The following ITIH5 variants were observed in gnomAD, a reference collection of about 807,000 sequenced individuals.
The protein encoded by ITIH5 is inter-alpha-trypsin inhibitor heavy chain H5.
ITIH5 carries 65 observed loss-of-function variants against 77.5 expected under a neutral mutation model. The ratio of observed to expected loss-of-function variants is 0.84; its 90% CI spans 0.69 to 1.03. The LOEUF (loss-of-function observed/expected upper bound fraction) is 1.03. Among genes scored for constraint, ITIH5 ranks in the 50% least tolerant of loss-of-function variants. ITIH5 has a pLI of 0.00. For missense variants in ITIH5, 1,208 were observed against 1,213.1 expected (o/e 1.00, Z 0.06); for synonymous variants, 525 against 494.3 (o/e 1.06, Z -0.82).
intron 8 of ITIH5, 57 bp downstream of exon 8, chr10:7,585,844 A>AT: frequency 6.8e-7 from 1 of 1,471,630 alleles, no homozygotes; most frequent in Non-Finnish European, 9.2e-7. Context: ...AAAAAAACCA[A>AT]AAAAAAAAAC....
intron 7 of ITIH5, among the ~76,000 whole-genome samples, chr10:7,613,257 AAAAAAAAAAAAAAG>A (rs1312621514): frequency 3.4e-4 from 3 of 8,760 alleles, no homozygotes; most frequent in Admixed American, 1.9e-3. Flanking sequence ...AAAAAAAAAA[AAAAAAAAAAAAAAG>A]AACTTGTAGC....
At chr10:7,627,309 A>AG (rs1026374479) in intron 5 of ITIH5, among the ~76,000 whole-genome samples, 1 of 146,822 alleles carries the variant, frequency 6.8e-6, no homozygotes, top group African/African-American at 2.5e-5. Context: ...AAAAGAAAAA[A>AG]AAGAAAATAA....
chr10:7,644,510 GAT>G (rs377427057), intron 2 of ITIH5, among the ~76,000 whole-genome samples: 16 of 54,574 alleles, frequency 2.9e-4, no homozygotes, highest in East Asian at 2.1e-3. Context: ...ACATATATAT[GAT>G]ATATATCACA....
chr10:7,565,070 G>GTATATATATA (rs138314369), intron 13 of ITIH5, among the ~76,000 whole-genome samples: 47 of 135,920 alleles, frequency 3.5e-4, no homozygotes, highest in South Asian at 1.2e-3. Flanking sequence ...CACATAGACT[G>GTATATATATA]TATATATATA....
At chr10:7,575,051 T>C (rs1832381847) in intron 10 of ITIH5, among the ~76,000 whole-genome samples, 1 of 152,114 alleles carries the variant, frequency 6.6e-6, no homozygotes, top group African/African-American at 2.4e-5. Context: ...TTGTGTACGT[T>C]TTGCCAAGAC....
intron 5 of ITIH5, among the ~76,000 whole-genome samples, chr10:7,632,875 G>A (rs1259239196): frequency 1.3e-5 from 2 of 152,144 alleles, no homozygotes; most frequent in African/African-American, 4.8e-5. Flanking sequence ...AGTCATTGGG[G>A]ATCTTGTCAT....
At chr10:7,607,785 GCCT>G (rs1331262282) in intron 7 of ITIH5, among the ~76,000 whole-genome samples, 2 of 152,252 alleles carry the variant, frequency 1.3e-5, no homozygotes, top group African/African-American at 4.8e-5. Flanking sequence ...TTGCACTCCG[GCCT>G]GTGCAACAAG....
At chr10:7,629,856 A>G (rs1440381731) in intron 5 of ITIH5, among the ~76,000 whole-genome samples, 1 of 152,200 alleles carries the variant, frequency 6.6e-6, no homozygotes, top group Non-Finnish European at 1.5e-5. Context: ...CCATCTTTAC[A>G]TCAATGACTC....
At chr10:7,597,999 T>G (rs547095288) in intron 7 of ITIH5, among the ~76,000 whole-genome samples, 1 of 152,206 alleles carries the variant, frequency 6.6e-6, no homozygotes, top group Non-Finnish European at 1.5e-5. Context: ...ATATCATTGT[T>G]GTACTTCTAA....
At chr10:7,610,812 C>T (rs1459417208) in intron 7 of ITIH5, among the ~76,000 whole-genome samples, 2 of 152,152 alleles carry the variant, frequency 1.3e-5, no homozygotes, top group Non-Finnish European at 2.9e-5. Context: ...ATGTGTTTGG[C>T]TGGTCTAGGG....
chr10:7,573,436 G>A (rs1207723369), intron 10 of ITIH5, among the ~76,000 whole-genome samples: 1 of 151,862 alleles, frequency 6.6e-6, no homozygotes, highest in African/African-American at 2.4e-5. Context: ...GGAGGCCAAG[G>A]TGGGAGGATC....
At position 7,576,434 on chromosome 10, in the gene ITIH5, T is replaced by G; in HGVS notation, c.1978+19A>C. 6.5e-7 allele frequency: 1 copy of G among 1,537,972 alleles called. No individual in the cohort carries two copies. Among genetic ancestry groups the G allele is most frequent in the Non-Finnish European group, 8.7e-7 (1 of 1,146,830 alleles). On this transcript the variant is annotated intron_variant, in intron 10 of 13. Coordinates refer to ENST00000397146, the MANE Select transcript of ITIH5 (RefSeq NM_030569.7). ...CAGGCCCGCGTCCCCCACACCTGGCTGGCACAGGTGCCTCGTACCTGGCTG... is the reference window on the plus strand; with the variant it reads ...CAGGCCCGCGTCCCCCACACCTGGCGGGCACAGGTGCCTCGTACCTGGCTG...
chr10:7,613,532 C>T (rs1227270017), intron 7 of ITIH5, among the ~76,000 whole-genome samples: 1 of 152,068 alleles, frequency 6.6e-6, no homozygotes, highest in Admixed American at 6.5e-5. Flanking sequence ...CTGTAAAAAA[C>T]GGAAAATCCT....
At chr10:7,617,978 T>G (rs1397436928) in intron 5 of ITIH5, 1 of 152,136 alleles carries the variant, frequency 6.6e-6, no homozygotes, top group Non-Finnish European at 1.5e-5. Context: ...ATTTCTCTTT[T>G]TCTGTATTCC....
At chr10:7,607,834 C>T (rs1833156460) in intron 7 of ITIH5, among the ~76,000 whole-genome samples, 2 of 152,172 alleles carry the variant, frequency 1.3e-5, no homozygotes, top group South Asian at 4.1e-4. Context: ...AAAAAAAAAT[C>T]TTGTCTGCAA....
chr10:7,611,857 C>T (rs1045876005), intron 7 of ITIH5, among the ~76,000 whole-genome samples: 1 of 150,144 alleles, frequency 6.7e-6, no homozygotes, highest in Middle Eastern at 3.5e-3. Context: ...GATTATACTG[C>T]TTTTAGGCTT....
In ITIH5 at chr10:7,561,106, T is replaced by G. The variant is rs934245374; in HGVS notation, c.*1977A>C. The G allele has an allele frequency of 6.6e-6, 1 of 152,016 alleles. No homozygotes were observed. Among genetic ancestry groups the G allele is most frequent in the African/African-American group, 2.4e-5 (1 of 41,404 alleles). 9.4% of individuals were successfully genotyped at this position (152,016 alleles called of 1,614,324 possible). A position where few individuals can be genotyped will look rare whatever the true frequency, so the allele number is the denominator to read the frequency against. On this transcript the variant is annotated 3_prime_UTR_variant, in exon 14 of 14. Transcript: ENST00000397146. The stretch of plus-strand genomic sequence containing the variant: ...GAAAAAAGGTGATATTTTTCTAAAG[T>G]AAAATATAATTTTTAAAAATGAAAG...
chr10:7,563,928 C>T (rs1388021978), intron 13 of ITIH5, among the ~76,000 whole-genome samples: 2 of 152,396 alleles, frequency 1.3e-5, no homozygotes, highest in East Asian at 1.9e-4. Flanking sequence ...CCACGAAACG[C>T]GGCCAGCTCA....
At chr10:7,655,019 T>C (rs540486439) in intron 2 of ITIH5, among the ~76,000 whole-genome samples, 7 of 152,310 alleles carry the variant, frequency 4.6e-5, no homozygotes, top group African/African-American at 1.7e-4. Flanking sequence ...GATTGTGATA[T>C]TGGTAATGAC....
Sources: allele counts gnomAD v4.1 joint callset (sites outside exome capture counted in the v4.1 genomes callset), GRCh38; gene constraint gnomAD v4.1.1; transcripts MANE v1.5; gene names NCBI Gene and HGNC (gene_info 2026-07-23, HGNC 2026-07-21).